Variants in SSBP2 observed in about 807,000 individuals in gnomAD.
SSBP2 encodes single-stranded DNA-binding protein 2.
In SSBP2, 17 loss-of-function variants were observed where a neutral mutation model predicts 61.8. That is an observed-to-expected ratio of 0.28 (90% CI 0.19 to 0.41). The LOEUF is 0.41. Ranked by LOEUF, SSBP2 falls within the 10% of genes least tolerant of loss-of-function variation. The pLI is 1.00. For missense variants in SSBP2, 310 were observed against 458.7 expected (o/e 0.68, Z 2.96); for synonymous variants, 139 against 141.3 (o/e 0.98, Z 0.12).
chr5:81,504,331 T>C (rs1274965776), intron 5 of SSBP2, among the ~76,000 whole-genome samples: 1 of 152,202 alleles, frequency 6.6e-6, no homozygotes, highest in African/African-American at 2.4e-5. Flanking sequence ...GTTAAAACCC[T>C]CCACTCAGAG....
chr5:81,661,831 C>T (rs776665396), intron 1 of SSBP2, among the ~76,000 whole-genome samples: 40 of 152,152 alleles, frequency 2.6e-4, no homozygotes, highest in Non-Finnish European at 5.3e-4. Flanking sequence ...CTTGCAGAAG[C>T]TTTTTAGTTT....
At chr5:81,504,290 A>G (rs1268733215) in intron 5 of SSBP2, among the ~76,000 whole-genome samples, 1 of 152,162 alleles carries the variant, frequency 6.6e-6, no homozygotes, top group Non-Finnish European at 1.5e-5. Flanking sequence ...CTTTTAACAG[A>G]CTAATCTCCA....
chr5:81,721,311 C>T (rs901537003), intron 1 of SSBP2, among the ~76,000 whole-genome samples: 1 of 151,988 alleles, frequency 6.6e-6, no homozygotes, highest in Non-Finnish European at 1.5e-5. Flanking sequence ...AATATCTTTC[C>T]TAACTTCTAT....
intron 6 of SSBP2, among the ~76,000 whole-genome samples, chr5:81,482,856 T>C (rs187924426): frequency 1.3e-5 from 2 of 152,372 alleles, no homozygotes; most frequent in East Asian, 3.9e-4. Flanking sequence ...TTTTGGCTTA[T>C]CTTGGCTTTT....
chr5:81,529,884 T>C (rs1770262408), intron 4 of SSBP2, among the ~76,000 whole-genome samples: 1 of 152,052 alleles, frequency 6.6e-6, no homozygotes, highest in Non-Finnish European at 1.5e-5. Context: ...TTCCAAGACA[T>C]TAATCAACTC....
chr5:81,448,428 G>A (rs1240016337), intron 11 of SSBP2, among the ~76,000 whole-genome samples: 2 of 152,256 alleles, frequency 1.3e-5, no homozygotes, highest in South Asian at 2.1e-4. Context: ...CTTCTTAGAC[G>A]CTATGTGTGG....
intron 16 of SSBP2, among the ~76,000 whole-genome samples, chr5:81,421,400 C>G (rs1483528497): frequency 6.6e-6 from 1 of 152,060 alleles, no homozygotes; most frequent in Non-Finnish European, 1.5e-5. Flanking sequence ...ACCATGTTGC[C>G]CAGGCTGGTC....
At chr5:81,492,697 G>T (rs1325950333) in intron 5 of SSBP2, among the ~76,000 whole-genome samples, 1 of 151,926 alleles carries the variant, frequency 6.6e-6, no homozygotes, top group African/African-American at 2.4e-5. Context: ...TTTGTAATGT[G>T]TGTGGAAATA....
At chr5:81,505,843 A>AAT (rs1287697698) in intron 5 of SSBP2, among the ~76,000 whole-genome samples, 1 of 152,174 alleles carries the variant, frequency 6.6e-6, no homozygotes, top group African/African-American at 2.4e-5. Flanking sequence ...ATTTCTCCTA[A>AAT]ATACGCAGTT....
chr5:81,578,931 A>G (rs968028469), intron 4 of SSBP2, among the ~76,000 whole-genome samples: 2 of 152,048 alleles, frequency 1.3e-5, no homozygotes, highest in Admixed American at 1.3e-4. Context: ...TTTGGAGTAC[A>G]TAGACTAAAA....
In SSBP2 at chr5:81,414,194, CAA is replaced by C. The variant is rs896665156; in HGVS notation, c.*6308_*6309del. On this transcript the variant is annotated 3_prime_UTR_variant, in exon 17 of 17. Transcript: ENST00000320672. ...ATTCTGATAATAGCCAGTAAATTTGCAAAGAGAGGAGACAAACTGTAATTGTA... is the reference window on the plus strand; with the variant it reads ...ATTCTGATAATAGCCAGTAAATTTGCAGAGAGGAGACAAACTGTAATTGTA... The C allele has an allele frequency of 2.0e-5, 3 of 151,940 alleles. No homozygotes were observed. Among genetic ancestry groups the C allele is most frequent in the African/African-American group, 7.2e-5 (3 of 41,384 alleles). The allele number at this position is 151,940 out of a possible 1,614,324, so 9.4% of individuals were successfully genotyped here. A position where few individuals can be genotyped will look rare whatever the true frequency, so the allele number is the denominator to read the frequency against.
rs575375385 is a variant in SSBP2, at chr5:81,533,571, C to A, written c.283-19854G>T. ...CGCCATGTAAGAACTTGGAAGTCACCACCCTGACCTAATAAAAAGTAAAAA... is the reference window on the plus strand; with the variant it reads ...CGCCATGTAAGAACTTGGAAGTCACAACCCTGACCTAATAAAAAGTAAAAA... On this transcript the variant is annotated intron_variant, in intron 4 of 16. Coordinates refer to ENST00000320672, the MANE Select transcript of SSBP2 (RefSeq NM_012446.5). Among the ~76,000 whole-genome samples, 9 of 152,098 alleles carry A rather than the reference C, an allele frequency of 5.9e-5. No homozygotes were observed. The South Asian group carries it at 1.9e-3, about 32-fold the overall frequency.
rs193127214 is a variant in SSBP2 at position 81,437,308 on chromosome 5, T to C, written c.957+122A>G. ...TTCTTAACTTCCAATTAATTATACCTGGTCTTCTACTTTCAAACTCTTGTT... is the reference window on the plus strand; with the variant it reads ...TTCTTAACTTCCAATTAATTATACCCGGTCTTCTACTTTCAAACTCTTGTT... On this transcript the variant is annotated intron_variant, in intron 15 of 16. Transcript: ENST00000320672. 3,908 of 855,942 alleles carry C rather than the reference T, an allele frequency of 4.6e-3. 18 individuals are homozygous for C. The highest frequency in any genetic ancestry group is 5.4e-3 in the Non-Finnish European group (2,820 of 526,792). The allele number at this position is 855,942 out of a possible 1,614,324, so 53.0% of individuals were successfully genotyped here.
intron 15 of SSBP2, among the ~76,000 whole-genome samples, chr5:81,432,182 A>G (rs1762331252): frequency 6.6e-6 from 1 of 152,082 alleles, no homozygotes; most frequent in African/African-American, 2.4e-5. Context: ...AGTGGGCACA[A>G]ATGAGCTAGA....
intron 1 of SSBP2, among the ~76,000 whole-genome samples, chr5:81,747,027 G>GGT: frequency 7.1e-6 from 1 of 141,048 alleles, no homozygotes; most frequent in Admixed American, 7.0e-5. Flanking sequence ...ATTCCTGGGG[G>GGT]GGGGGGGAAT....
In SSBP2 at chr5:81,413,846, G is replaced by T. The variant is rs1245901266; in HGVS notation, c.*6658C>A. 6.6e-6 allele frequency: 1 copy of T among 152,068 alleles called. No individual in the cohort carries two copies. The highest frequency in any genetic ancestry group is 2.4e-5 in the African/African-American group (1 of 41,428). The allele number at this position is 152,068 out of a possible 1,614,324, so 9.4% of individuals were successfully genotyped here. A position where few individuals can be genotyped will look rare whatever the true frequency, so the allele number is the denominator to read the frequency against. ...TGAATTGTTTTTTAATAAGTAGATG[G>T]CCAATTATATTTAACTGAGCAATTT... On this transcript the variant is annotated 3_prime_UTR_variant, in exon 17 of 17. Transcript: ENST00000320672.
intron 1 of SSBP2, among the ~76,000 whole-genome samples, chr5:81,738,902 C>A (rs1234726501): frequency 6.6e-6 from 1 of 152,200 alleles, no homozygotes; most frequent in South Asian, 2.1e-4. Context: ...CAGTGGCCCA[C>A]GTCTGTAATC....
At chr5:81,623,727 A>T (rs533901261) in intron 3 of SSBP2, among the ~76,000 whole-genome samples, 17 of 140,432 alleles carry the variant, frequency 1.2e-4, no homozygotes, top group African/African-American at 4.6e-4. Context: ...AGAGTTATTA[A>T]ATAAACATCA....
chr5:81,714,313 G>A (rs949997181), intron 1 of SSBP2, among the ~76,000 whole-genome samples: 5 of 152,092 alleles, frequency 3.3e-5, no homozygotes, highest in Admixed American at 6.5e-5. Flanking sequence ...ATCATTGATG[G>A]GCATTTGAGT....
Sources: gnomAD v4.1 joint callset for allele counts (sites outside exome capture counted in the v4.1 genomes callset) on GRCh38, gnomAD v4.1.1 for gene constraint, MANE v1.5 for transcripts, NCBI Gene and HGNC (gene_info 2026-07-23, HGNC 2026-07-21) for gene names.